CEP350: variants seen among roughly 807,000 people sequenced by gnomAD.
CEP350 encodes centrosomal protein 350, also known as centrosome-associated protein 350.
A neutral mutation model predicts 331.8 loss-of-function variants in CEP350; 126 were observed. The ratio of observed to expected loss-of-function variants is 0.38; its 90% confidence interval spans 0.33 to 0.44. The LOEUF is 0.44. Among genes scored for constraint, CEP350 ranks in the 20% least tolerant of loss-of-function variants. CEP350 has a pLI of 1.00. For synonymous variants in CEP350, 1,200 were observed against 1,259.5 expected, an observed-to-expected ratio of 0.95 and a Z score of 1.00; for missense variants, 3,406 against 3,634.6, an observed-to-expected ratio of 0.94 and a Z score of 1.62.
chr1:180,074,906 T>G, intron 27 of CEP350, 116 bp from the exon 28 acceptor site: 1 of 812,826 alleles, frequency 1.2e-6, no homozygotes, highest in Non-Finnish European at 1.9e-6. Flanking sequence ...AGAAGAGTAG[T>G]ATGAATGTTC....
intron 1 of CEP350, among the ~76,000 whole-genome samples, chr1:179,985,871 C>T (rs1652611368): frequency 6.6e-6 from 1 of 152,118 alleles, no homozygotes. Context: ...CAAACCATAT[C>T]ATATATCTAG....
intron 26 of CEP350, 123 bp from the exon 27 acceptor site, chr1:180,064,992 C>A: frequency 9.5e-7 from 1 of 1,051,098 alleles, no homozygotes; most frequent in East Asian, 3.0e-5. Flanking sequence ...CCTTTATTAT[C>A]TTATTTTCAA....
intron 1 of CEP350, among the ~76,000 whole-genome samples, chr1:179,979,093 G>A (rs988306251): frequency 6.6e-6 from 1 of 152,132 alleles, no homozygotes; most frequent in Admixed American, 6.5e-5. Context: ...GCAGTAGTGG[G>A]ATTGCTGGAT....
At chr1:180,084,697 AACAAGTATTAAATATTAAAATT>A (rs1457171757) in intron 31 of CEP350, among the ~76,000 whole-genome samples, 1 of 152,150 alleles carries the variant, frequency 6.6e-6, no homozygotes, top group African/African-American at 2.4e-5. Context: ...ATATTAAAAT[AACAAGTATTAAATATTAAAATT>A]GGCTACATAT....
At chr1:180,013,567 TAAC>T (rs1355762409) in intron 9 of CEP350, among the ~76,000 whole-genome samples, 1 of 152,152 alleles carries the variant, frequency 6.6e-6, no homozygotes, top group Non-Finnish European at 1.5e-5. Context: ...TAAATATTCA[TAAC>T]AACCATAAGA....
chr1:180,092,286 T>C (rs1345680713), intron 33 of CEP350, among the ~76,000 whole-genome samples: 1 of 152,216 alleles, frequency 6.6e-6, no homozygotes, highest in Non-Finnish European at 1.5e-5. Flanking sequence ...ATGTTTGTAA[T>C]AACCATCATA....
intron 3 of CEP350, 117 bp downstream of exon 3, chr1:179,987,403 A>G: frequency 3.9e-6 from 1 of 258,408 alleles, no homozygotes; most frequent in Non-Finnish European, 7.1e-6. Context: ...TTACTATAGA[A>G]TAATACTATA....
chr1:180,015,910 C>G lies in CEP350; in HGVS notation c.2114C>G (p.Pro705Arg). 2 of 1,613,904 alleles carry G rather than the reference C, an allele frequency of 1.2e-6. No individual in the cohort carries two copies. Among genetic ancestry groups the G allele is most frequent in the Non-Finnish European group, 1.7e-6 (2 of 1,179,858 alleles). The change falls in exon 11 of 38, where the codon CCC becomes CGC. Residue 705 changes from proline to arginine, a missense_variant. Physicochemically the swap from Pro to Arg is moderately radical, Grantham distance 103. This residue lies in a region of CEP350 where 1,857 missense variants were observed against 1,909.2 expected (regional missense o/e 0.97). Coordinates refer to ENST00000367607, the MANE Select transcript of CEP350 (RefSeq NM_014810.5). ...AAAGAAAACAAAGTACAGGAACGTCCCCCAAGTGCATCTTCCAGTAGTGAC... is the reference window on the plus strand; with the variant it reads ...AAAGAAAACAAAGTACAGGAACGTCGCCCAAGTGCATCTTCCAGTAGTGAC... ...SDKENKVQERPPSASSSSDMS... is the reference protein window; with the variant it reads ...SDKENKVQERRPSASSSSDMS...
At chr1:180,008,751 T>C (rs1044447517) in intron 8 of CEP350, among the ~76,000 whole-genome samples, 2 of 152,192 alleles carry the variant, frequency 1.3e-5, no homozygotes, top group Non-Finnish European at 2.9e-5. Flanking sequence ...ATAGTAGATA[T>C]GTTGTTACAA....
At chr1:180,090,491 A>G (rs1227918169) in intron 32 of CEP350, among the ~76,000 whole-genome samples, 1 of 135,006 alleles carries the variant, frequency 7.4e-6, no homozygotes, top group East Asian at 2.5e-4. Context: ...GCTTGCAGTG[A>G]GCCGAGATCG....
intron 1 of CEP350, chr1:179,968,862 T>A (rs1253667337): frequency 2.7e-6 from 2 of 739,660 alleles, no homozygotes; most frequent in Non-Finnish European, 5.0e-6. Context: ...AAAACCCCGC[T>A]GATGTCAGTG....
In CEP350 at chr1:180,078,489, G is replaced by A; in HGVS notation, c.5794G>A (p.Val1932Ile). The change falls in exon 29 of 38, where the codon GTA (valine) becomes ATA (isoleucine). Residue 1932 changes from valine to isoleucine, a missense_variant. Physicochemically the swap from Val to Ile is conservative, Grantham distance 29. This residue lies in a region of CEP350 where 1,415 missense variants were observed against 1,512.3 expected (regional missense o/e 0.94). Transcript: ENST00000367607. ...AATAGCAAGTGAAGAGGAATCTCCA[G>A]TACCTCTGTACTCTCATCTAAACAG... ...KEIASEEESP[V>I]PLYSHLNSES... 6.2e-7 allele frequency: 1 copy of A among 1,612,954 alleles called. No homozygotes were observed. Among genetic ancestry groups the A allele is most frequent in the South Asian group, 1.1e-5 (1 of 90,906 alleles).
At chr1:180,084,877 A>G (rs1293117137) in intron 31 of CEP350, among the ~76,000 whole-genome samples, 1 of 152,084 alleles carries the variant, frequency 6.6e-6, no homozygotes, top group African/African-American at 2.4e-5. Context: ...CTCCACCTCT[A>G]AAAAATAAAT....
chr1:180,104,756 T>G (rs1229626508), intron 37 of CEP350, among the ~76,000 whole-genome samples: 1 of 152,154 alleles, frequency 6.6e-6, no homozygotes, highest in African/African-American at 2.4e-5. Context: ...TAGATATTAT[T>G]AATATAATTA....
chr1:180,094,679 C>G, intron 34 of CEP350, 63 bp downstream of exon 34: 1 of 1,508,276 alleles, frequency 6.6e-7, no homozygotes, highest in Non-Finnish European at 8.9e-7. Context: ...AGGCAACTTA[C>G]CTTGCCTATA....
chr1:180,082,460 G>A (rs547535499), intron 30 of CEP350, among the ~76,000 whole-genome samples: 5 of 152,142 alleles, frequency 3.3e-5, no homozygotes, highest in South Asian at 2.1e-4. Flanking sequence ...GACTACAGGC[G>A]CATGCTGCCA....
chr1:180,097,858 T>C (rs1660567643), intron 36 of CEP350, among the ~76,000 whole-genome samples: 1 of 152,220 alleles, frequency 6.6e-6, no homozygotes, highest in Non-Finnish European at 1.5e-5. Flanking sequence ...TTTTCTCACA[T>C]TACATTGTCC....
chr1:180,097,590 T>C (rs1660556125), intron 36 of CEP350, among the ~76,000 whole-genome samples: 3 of 152,106 alleles, frequency 2.0e-5, no homozygotes, highest in African/African-American at 7.2e-5. Flanking sequence ...ACAAAATAAA[T>C]TATTAATAAC....
In CEP350 at chr1:180,041,201, C is replaced by T. The variant is rs149154137; in HGVS notation, c.4174C>T (p.Leu1392=). The T allele has an allele frequency of 5.4e-5, 86 of 1,597,986 alleles. No individual in the cohort carries two copies. Among genetic ancestry groups the T allele is most frequent in the Non-Finnish European group, 6.7e-5 (79 of 1,172,258 alleles). ...GAAACTAAAGGCTGAACAAGAGGCT[C>T]TGGAGAGTCAGAGACAATTAGAAGA... ...LLKLKAEQEA[L]ESQRQLEETR... The change falls in exon 18 of 38, where the codon CTG becomes TTG. Residue 1392 remains leucine (L), a synonymous_variant. Transcript: ENST00000367607.
Sources: allele counts gnomAD v4.1 joint callset (sites outside exome capture counted in the v4.1 genomes callset), GRCh38; gene constraint gnomAD v4.1.1; regional missense constraint gnomAD v4.1.1; transcripts MANE v1.5; gene names NCBI Gene and HGNC (gene_info 2026-07-23, HGNC 2026-07-21).